Variants in CRIM1 observed in about 807,000 individuals in gnomAD.
The protein encoded by CRIM1 is cysteine rich transmembrane BMP regulator 1.
CRIM1 carries 32 observed loss-of-function variants against 116.4 expected under a neutral mutation model. That is an observed-to-expected ratio of 0.27 (90% CI 0.21 to 0.37). The LOEUF (loss-of-function observed/expected upper bound fraction) is 0.37, where lower values mean the gene tolerates loss of function less well. CRIM1 is among the 10% of genes least tolerant of loss of function. CRIM1 has a pLI of 1.00. For synonymous variants in CRIM1, 590 were observed against 509.2 expected, an observed-to-expected ratio of 1.16 and a Z score of -2.13; for missense variants, 1,331 against 1,354.8, an observed-to-expected ratio of 0.98 and a Z score of 0.28.
intron 4 of CRIM1, among the ~76,000 whole-genome samples, chr2:36,459,886 A>G (rs1677443992): frequency 6.6e-6 from 1 of 152,208 alleles, no homozygotes; most frequent in Non-Finnish European, 1.5e-5. Context: ...AGCTATGCCC[A>G]GGAGCTCGGA....
At chr2:36,516,738 A>G (rs1427380183) in intron 11 of CRIM1, among the ~76,000 whole-genome samples, 2 of 152,164 alleles carry the variant, frequency 1.3e-5, no homozygotes, top group Non-Finnish European at 2.9e-5. Context: ...AAAAGTACTC[A>G]GGATCCCAGA....
chr2:36,514,274 C>T (rs1281933327), intron 11 of CRIM1, among the ~76,000 whole-genome samples: 2 of 152,178 alleles, frequency 1.3e-5, no homozygotes, highest in African/African-American at 4.8e-5. Flanking sequence ...AGAGTGACCA[C>T]ACGTCCAAAA....
intron 5 of CRIM1, among the ~76,000 whole-genome samples, chr2:36,469,647 C>CAA (rs200392667): frequency 1.4e-5 from 2 of 147,776 alleles, no homozygotes; most frequent in African/African-American, 5.0e-5. Flanking sequence ...TGTTAATTTT[C>CAA]AAAAAAAAAC....
chr2:36,462,953 G>A (rs1172103522), intron 4 of CRIM1, among the ~76,000 whole-genome samples: 1 of 152,174 alleles, frequency 6.6e-6, no homozygotes, highest in Non-Finnish European at 1.5e-5. Context: ...TGATTGTCCT[G>A]CAGGAATATA....
At chr2:36,477,837 G>T (rs1679102363) in intron 6 of CRIM1, among the ~76,000 whole-genome samples, 2 of 152,200 alleles carry the variant, frequency 1.3e-5, no homozygotes, top group Non-Finnish European at 2.9e-5. Flanking sequence ...TTGAAGTTCA[G>T]AAGAGAAAAG....
chr2:36,529,071 T>TCTGCTGCACGGAAGTTAGG, intron 13 of CRIM1: 1 of 470,706 alleles, frequency 2.1e-6, no homozygotes, highest in South Asian at 1.5e-5. Context: ...TTTAAAGAGC[T>TCTGCTGCACGGAAGTTAGG]CTGCTGCACG....
chr2:36,521,991 A>G, intron 12 of CRIM1, 101 bp from the exon 13 acceptor site: 2 of 898,088 alleles, frequency 2.2e-6, no homozygotes, highest in Non-Finnish European at 3.7e-6. Context: ...TTAAGGAGGC[A>G]CCGAAAGCCA....
intron 14 of CRIM1, 111 bp from the exon 15 acceptor site, chr2:36,544,265 A>T: frequency 1.0e-6 from 1 of 977,414 alleles, no homozygotes. Context: ...TGCATCTTTC[A>T]TGTCCCAGGA....
chr2:36,525,507 G>C (rs1445646928), intron 13 of CRIM1, among the ~76,000 whole-genome samples: 1 of 152,120 alleles, frequency 6.6e-6, no homozygotes, highest in East Asian at 1.9e-4. Context: ...CTGAGCAAAG[G>C]AAAAACATGG....
rs1553339220 is a variant in CRIM1, at chr2:36,550,067, G to GTGTGTGTGCA, written c.*1366_*1367insTGTGTGTGCA. ...TGTGTGTGTGTGTGTGTGTGTGTGT[G>GTGTGTGTGCA]CGCGCGCACGCACGCCTTGAGCAGT... On this transcript the variant is annotated 3_prime_UTR_variant, in exon 17 of 17. Transcript: ENST00000280527. The GTGTGTGTGCA allele has an allele frequency of 9.3e-6, 1 of 107,412 alleles. No homozygotes were observed. Among genetic ancestry groups the GTGTGTGTGCA allele is most frequent in the African/African-American group, 3.5e-5 (1 of 28,178 alleles). The allele number at this position is 107,412 out of a possible 1,614,324, so 6.7% of individuals were successfully genotyped here.
intron 1 of CRIM1, among the ~76,000 whole-genome samples, chr2:36,373,271 T>G (rs1333993020): frequency 2.6e-5 from 4 of 152,190 alleles, no homozygotes; most frequent in African/African-American, 9.7e-5. Flanking sequence ...GGCAGAGGAT[T>G]GGGAAACACT....
rs1487991678 is a variant in CRIM1, at chr2:36,356,416, G to A, written c.124G>A (p.Glu42Lys). Residue 42 changes from glutamate (E) to lysine (K), a missense_variant, in exon 1 of 17, where the codon GAG becomes AAG. Physicochemically the swap from Glu to Lys is moderately conservative, Grantham distance 56 (BLOSUM62 1). This residue lies in a region of CRIM1 where 690 missense variants were observed against 676.0 expected (regional missense o/e 1.02). Transcript: ENST00000280527. The surrounding 1 kb of genome is among the most constrained non-coding windows in gnomAD (Gnocchi z 4.3). ...TRALVCLPCDESKCEEPRNCP... is the reference protein window; with the variant it reads ...TRALVCLPCDKSKCEEPRNCP... ...GGCGCTGGTCTGCCTGCCCTGTGAC[G>A]AGTCCAAGTGCGAGGAGCCCAGGAA... 3 of 1,610,090 alleles carry A rather than the reference G, an allele frequency of 1.9e-6. No homozygotes were observed. Among genetic ancestry groups the A allele is most frequent in the Non-Finnish European group, 2.5e-6 (3 of 1,179,386 alleles).
chr2:36,533,205 A>C (rs1165648434), intron 13 of CRIM1, among the ~76,000 whole-genome samples: 1 of 152,120 alleles, frequency 6.6e-6, no homozygotes, highest in Non-Finnish European at 1.5e-5. Flanking sequence ...TCTCCCTTTA[A>C]ACCTGGTAGC....
rs150396384 is a variant in CRIM1 at position 36,513,165 on chromosome 2, CTG to C, written c.1781-389_1781-388del. 741 of 214,240 alleles carry C rather than the reference CTG, an allele frequency of 3.5e-3. 4 individuals carry two copies. Among genetic ancestry groups the C allele is most frequent in the African/African-American group, 0.016 (687 of 43,222 alleles). The allele number at this position is 214,240 out of a possible 1,614,324, so 13.3% of individuals were successfully genotyped here. On this transcript the variant is annotated intron_variant, in intron 10 of 16. Coordinates refer to ENST00000280527, the MANE Select transcript of CRIM1 (RefSeq NM_016441.3). ...TTTAATTGTTCTGCTGAACAAAACT[CTG>C]TTATTTGCAAGGGGCCCAGGATGTC...
chr2:36,381,156 G>A (rs1441039561), intron 1 of CRIM1, among the ~76,000 whole-genome samples: 2 of 152,236 alleles, frequency 1.3e-5, no homozygotes, highest in Admixed American at 6.5e-5. Context: ...CAGTGGTGGT[G>A]TGAAGCCTCT....
At chr2:36,479,465 C>T in intron 6 of CRIM1, 32 bp from the exon 7 acceptor site, 2 of 1,598,316 alleles carry the variant, frequency 1.3e-6, no homozygotes, top group Non-Finnish European at 8.6e-7. Context: ...AGAAGATGCT[C>T]AGTCTAACTC....
chr2:36,500,204 G>A (rs1350743568), intron 8 of CRIM1, among the ~76,000 whole-genome samples: 1 of 152,092 alleles, frequency 6.6e-6, no homozygotes, highest in Admixed American at 6.5e-5. Context: ...GGTGGTATGC[G>A]CCAGTGGTCC....
intron 1 of CRIM1, among the ~76,000 whole-genome samples, chr2:36,363,403 A>G (rs376063647): frequency 6.6e-6 from 1 of 151,916 alleles, no homozygotes; most frequent in South Asian, 2.1e-4. Context: ...AAGTGAAACA[A>G]TTTTACTTGG....
chr2:36,456,668 T>C (rs1008647417), intron 4 of CRIM1, among the ~76,000 whole-genome samples: 1 of 152,196 alleles, frequency 6.6e-6, no homozygotes, highest in East Asian at 1.9e-4. Context: ...TATCGGATTG[T>C]TGAGCTGGAC....
Sources: gnomAD v4.1 joint callset for allele counts (sites outside exome capture counted in the v4.1 genomes callset) on GRCh38, gnomAD v4.1.1 for gene constraint, gnomAD v4.1.1 regional missense constraint, Gnocchi (gnomAD v3.1) non-coding constraint, MANE v1.5 for transcripts, NCBI Gene and HGNC (gene_info 2026-07-23, HGNC 2026-07-21) for gene names.